Variants in VWA3B observed in about 807,000 individuals in gnomAD.
The protein encoded by VWA3B is von Willebrand factor A domain-containing protein 3B.
Under a neutral mutation model 158.3 loss-of-function variants are expected in VWA3B, and 138 were observed. The observed-to-expected ratio is 0.87, with a 90% CI of 0.76 to 1.00. The LOEUF is 1.00. Ranked by LOEUF, VWA3B falls within the 50% of genes least tolerant of loss-of-function variation. The probability of loss-of-function intolerance (pLI) is 0.00; values close to 1 mark genes in which losing one functional copy is unlikely to be tolerated. For missense variants in VWA3B, 1,555 were observed against 1,565.1 expected (o/e 0.99, Z 0.11); for synonymous variants, 596 against 587.3 (o/e 1.01, Z -0.21).
At chr2:98,329,305 A>G in the VWA3B span, among the ~76,000 whole-genome samples, 1 of 152,236 alleles carries the variant, frequency 6.6e-6, no homozygotes, top group Non-Finnish European at 1.5e-5. Flanking sequence ...AGTTACAAAA[A>G]TCACTAAACA....
chr2:98,130,025 A>ACACCGG (rs1675735557), intron 6 of VWA3B, among the ~76,000 whole-genome samples: 1 of 152,198 alleles, frequency 6.6e-6, no homozygotes, highest in East Asian at 1.9e-4. Context: ...CCAAGGATCC[A>ACACCGG]CACCGGCACC....
chr2:98,187,165 T>C (rs1681144058), intron 9 of VWA3B, among the ~76,000 whole-genome samples: 1 of 152,120 alleles, frequency 6.6e-6, no homozygotes, highest in Non-Finnish European at 1.5e-5. Flanking sequence ...GGTTCTAACT[T>C]GTCCGGTCTC....
At chr2:98,159,664 C>T (rs933471542) in intron 7 of VWA3B, among the ~76,000 whole-genome samples, 7 of 152,108 alleles carry the variant, frequency 4.6e-5, no homozygotes, top group Non-Finnish European at 7.4e-5. Flanking sequence ...CATTAGGAAC[C>T]GTATCCAGCT....
At chr2:98,327,294 A>G in the VWA3B span, among the ~76,000 whole-genome samples, 1 of 152,184 alleles carries the variant, frequency 6.6e-6, no homozygotes, top group Non-Finnish European at 1.5e-5. Flanking sequence ...CCCTGTCTCT[A>G]AAACAAACAA....
intron 7 of VWA3B, among the ~76,000 whole-genome samples, chr2:98,138,868 CAG>C (rs1265822246): frequency 6.6e-6 from 1 of 152,274 alleles, no homozygotes; most frequent in Middle Eastern, 3.2e-3. Flanking sequence ...CGCTCACTCT[CAG>C]TGCCTCCTCT....
intron 22 of VWA3B, 67 bp downstream of exon 22, chr2:98,270,950 A>G: frequency 6.6e-7 from 1 of 1,507,040 alleles, no homozygotes; most frequent in South Asian, 1.2e-5. Flanking sequence ...CCATTCCTAC[A>G]TTGGCTTCCT....
intron 7 of VWA3B, among the ~76,000 whole-genome samples, chr2:98,144,826 C>CA (rs35160115): frequency 0.65 from 98,488 of 152,002 alleles, 34,029 homozygotes; most frequent in African/African-American, 0.89. Flanking sequence ...CTCGGCCTCC[C>CA]AAGTGCTGGG....
intron 2 of VWA3B, 53 bp from the exon 3 acceptor site, chr2:98,115,599 G>A (rs1329356567): frequency 7.4e-7 from 1 of 1,349,156 alleles, no homozygotes; most frequent in Non-Finnish European, 1.1e-6. Context: ...ATAAAAATAG[G>A]AAGGTTCACT....
intron 12 of VWA3B, chr2:98,206,301 C>A: frequency 6.2e-6 from 1 of 161,396 alleles, no homozygotes; most frequent in Admixed American, 6.3e-5. Context: ...ACAAACATCA[C>A]CTTTGCTGAA....
intron 19 of VWA3B, chr2:98,236,956 C>A: frequency 1.9e-6 from 1 of 522,630 alleles, no homozygotes; most frequent in Non-Finnish European, 3.2e-6. Flanking sequence ...TGGGTGGATC[C>A]CTTGAATCCA....
At chr2:98,098,743 C>T (rs146400727) in intron 2 of VWA3B, among the ~76,000 whole-genome samples, 2 of 152,144 alleles carry the variant, frequency 1.3e-5, no homozygotes, top group East Asian at 3.9e-4. Flanking sequence ...TTACTGCTGC[C>T]ATTTTGTTAA....
intron 8 of VWA3B, among the ~76,000 whole-genome samples, chr2:98,168,811 T>TA (rs530108851): frequency 8.3e-4 from 127 of 152,106 alleles, no homozygotes; most frequent in Non-Finnish European, 1.5e-3. Flanking sequence ...AAAAAAGATT[T>TA]AAAAAAACCC....
At chr2:98,187,886 CTTGAAT>C in intron 9 of VWA3B, 83 bp from the exon 10 acceptor site, 4 of 1,387,550 alleles carry the variant, frequency 2.9e-6, no homozygotes, top group Non-Finnish European at 3.8e-6. Context: ...CTAGGAGCCA[CTTGAAT>C]ACGACAGAGC....
intron 12 of VWA3B, among the ~76,000 whole-genome samples, chr2:98,195,145 T>A (rs545517160): frequency 6.6e-6 from 1 of 152,164 alleles, no homozygotes; most frequent in Non-Finnish European, 1.5e-5. Flanking sequence ...CAAGAGTTGT[T>A]CTTAAAAAGT....
At chr2:98,271,060 C>G (rs750407505) in intron 22 of VWA3B, among the ~76,000 whole-genome samples, 177 bp downstream of exon 22, 2 of 151,528 alleles carry the variant, frequency 1.3e-5, no homozygotes, top group Non-Finnish European at 2.9e-5. Flanking sequence ...AAATGCCATT[C>G]GATTGTACTA....
At chr2:98,281,670 T>A (rs916169358) in intron 22 of VWA3B, among the ~76,000 whole-genome samples, 2 of 152,196 alleles carry the variant, frequency 1.3e-5, no homozygotes, top group African/African-American at 2.4e-5. Context: ...TCCAAGAGCA[T>A]GACCTTGAAA....
intron 2 of VWA3B, 61 bp from the exon 3 acceptor site, chr2:98,115,590 TA>T: frequency 7.7e-7 from 1 of 1,296,786 alleles, no homozygotes; most frequent in African/African-American, 1.5e-5. Context: ...CATTTCAAAA[TA>T]AAAATAGGAA....
At chr2:98,117,005 C>G (rs1674586500) in intron 3 of VWA3B, among the ~76,000 whole-genome samples, 1 of 152,174 alleles carries the variant, frequency 6.6e-6, no homozygotes, top group Non-Finnish European at 1.5e-5. Flanking sequence ...GCTATATCAT[C>G]CAATTCTTGG....
In VWA3B at chr2:98,270,869, A is replaced by G; in HGVS notation, c.3031A>G (p.Lys1011Glu). The part of the protein sequence containing the change: ...QEAAKKNYAN[K>E]APGEQQKLQG... ...GGCTGCCAAGAAGAATTATGCAAAC[A>G]AGGCCCCGGGAGAGGTGGGTGCCCT... Residue 1011 changes from lysine to glutamate, a missense_variant, in exon 22 of 28, where the codon AAG becomes GAG. Lys to Glu is a moderately conservative substitution (Grantham distance 56). Coordinates refer to ENST00000477737, the MANE Select transcript of VWA3B (RefSeq NM_144992.5). The G allele has an allele frequency of 6.2e-7, 1 of 1,613,936 alleles. No homozygotes were observed. The highest frequency in any genetic ancestry group is 1.1e-5 in the South Asian group (1 of 91,062).
Sources: allele counts gnomAD v4.1 joint callset (sites outside exome capture counted in the v4.1 genomes callset), GRCh38; gene constraint gnomAD v4.1.1; transcripts MANE v1.5; gene names NCBI Gene and HGNC (gene_info 2026-07-23, HGNC 2026-07-21).